Variants in KCNMA1 observed in about 807,000 individuals in gnomAD.
KCNMA1 encodes potassium calcium-activated channel subfamily M alpha 1.
A neutral mutation model predicts 140.0 loss-of-function variants in KCNMA1; 29 were observed. The observed-to-expected ratio is 0.21, with a 90% CI of 0.15 to 0.28. The LOEUF (loss-of-function observed/expected upper bound fraction) is 0.28. Among genes scored for constraint, KCNMA1 ranks in the 10% least tolerant of loss-of-function variants. The pLI is 1.00. For synonymous variants in KCNMA1, 612 were observed against 611.9 expected, an observed-to-expected ratio of 1.00 and a Z score of 0.00; for missense variants, 880 against 1,602.2, an observed-to-expected ratio of 0.55 and a Z score of 7.70.
At chr10:77,606,505 G>A (rs2084581807) in intron 1 of KCNMA1, among the ~76,000 whole-genome samples, 1 of 152,164 alleles carries the variant, frequency 6.6e-6, no homozygotes, top group Non-Finnish European at 1.5e-5. Context: ...AGCTACTTGG[G>A]AGGCTGATGT....
intron 1 of KCNMA1, among the ~76,000 whole-genome samples, chr10:77,608,185 T>C (rs900194075): frequency 4.6e-5 from 7 of 152,058 alleles, no homozygotes; most frequent in African/African-American, 1.2e-4. Context: ...TCATTTCTTT[T>C]TTTTGGAGAC....
chr10:77,095,079 T>C (rs1595841131), intron 9 of KCNMA1, among the ~76,000 whole-genome samples: 1 of 152,214 alleles, frequency 6.6e-6, no homozygotes, highest in African/African-American at 2.4e-5. Context: ...ATAAGAATCT[T>C]AATGATCCAT....
At position 77,112,420 on chromosome 10, in the gene KCNMA1, G is replaced by A. The variant is rs2097346930; in HGVS notation, c.907C>T (p.Leu303=). 2 of 1,613,726 alleles carry A rather than the reference G, an allele frequency of 1.2e-6. No individual in the cohort carries two copies. Among genetic ancestry groups the A allele is most frequent in the Admixed American group, 3.3e-5 (2 of 60,002 alleles). ...CACGTGCTGATAAATATGGAGAGCA[G>A]ATTCACCAGCTTGATGGAATTACTG... The part of the protein sequence containing the change: ...KTSNSIKLVN[L]LSIFISTWLT... Residue 303 remains leucine, a synonymous_variant, in exon 7 of 28, where the codon CTG becomes TTG. Transcript: ENST00000286628.
intron 1 of KCNMA1, among the ~76,000 whole-genome samples, chr10:77,469,633 C>T (rs1200522976): frequency 6.6e-6 from 1 of 152,144 alleles, no homozygotes; most frequent in African/African-American, 2.4e-5. Context: ...ACCCACAAGC[C>T]CAGAAGTGTG....
chr10:77,473,360 G>T (rs144130975), intron 1 of KCNMA1, among the ~76,000 whole-genome samples: 1 of 152,210 alleles, frequency 6.6e-6, no homozygotes, highest in African/African-American at 2.4e-5. Flanking sequence ...TATCTCCTGA[G>T]GGGGGCTGAT....
In KCNMA1 at chr10:76,953,887, C is replaced by A. The variant is rs142210216; in HGVS notation, c.2398G>T (p.Asp800Tyr). 1.8e-4 allele frequency: 287 copies of A among 1,614,034 alleles called. No individual in the cohort carries two copies. Among genetic ancestry groups the A allele is most frequent in the Middle Eastern group, 4.9e-4 (3 of 6,062 alleles). The change falls in exon 21 of 28, where the codon GAC becomes TAC. Residue 800 changes from aspartate (D) to tyrosine (Y), a missense_variant. Asp to Tyr is a radical substitution (Grantham distance 160, BLOSUM62 -3). Coordinates refer to ENST00000286628, the MANE Select transcript of KCNMA1 (RefSeq NM_001161352.2). The part of the protein sequence containing the change: ...PLLIPGNDQI[D>Y]NMDSNVKKYD... ...TTCTTCACATTGGAGTCCATGTTGTCAATCTGATCATTGCCAGGAATTAAC... is the reference window on the plus strand; with the variant it reads ...TTCTTCACATTGGAGTCCATGTTGTAAATCTGATCATTGCCAGGAATTAAC...
At chr10:77,094,861 G>T (rs1207153321) in intron 9 of KCNMA1, among the ~76,000 whole-genome samples, 1 of 151,796 alleles carries the variant, frequency 6.6e-6, no homozygotes, top group African/African-American at 2.4e-5. Flanking sequence ...ACCACAGCTG[G>T]CTAATTTTCT....
intron 14 of KCNMA1, among the ~76,000 whole-genome samples, chr10:77,050,295 C>A (rs1338963178): frequency 1.8e-4 from 26 of 148,228 alleles, no homozygotes; most frequent in Non-Finnish European, 2.5e-4. Context: ...AATAAAAAAA[C>A]AAAAAAACAA....
At chr10:76,979,007 G>A (rs1223095032) in intron 19 of KCNMA1, among the ~76,000 whole-genome samples, 8 of 152,002 alleles carry the variant, frequency 5.3e-5, no homozygotes, top group Non-Finnish European at 1.0e-4. Flanking sequence ...GATTCCTGAG[G>A]TTTTGGGTCT....
chr10:77,092,321 T>G (rs909968664), intron 9 of KCNMA1, among the ~76,000 whole-genome samples: 3 of 152,220 alleles, frequency 2.0e-5, no homozygotes, highest in Admixed American at 2.0e-4. Context: ...ACAAAATACT[T>G]CAAATAAATT....
intron 2 of KCNMA1, among the ~76,000 whole-genome samples, chr10:77,391,969 G>A (rs1002052908): frequency 6.6e-6 from 1 of 151,394 alleles, no homozygotes; most frequent in Non-Finnish European, 1.5e-5. Flanking sequence ...TAAGCCATCA[G>A]CACCCTCTGA....
Position 76,886,743 on chromosome 10 carries a change from G to T in KCNMA1, c.*523C>A. 9.9e-7 allele frequency: 1 copy of T among 1,012,850 alleles called. No homozygotes were observed. Among genetic ancestry groups the T allele is most frequent in the South Asian group, 4.0e-5 (1 of 24,916 alleles). The allele number at this position is 1,012,850 out of a possible 1,614,324, so 62.7% of individuals were successfully genotyped here. On this transcript the variant is annotated 3_prime_UTR_variant, in exon 28 of 28. Coordinates refer to ENST00000286628, the MANE Select transcript of KCNMA1 (RefSeq NM_001161352.2). Reference sequence around the variant, plus strand: ...ATGCTTCGCAATACTTCGGCCCAGAGACTGGAAACAATCAATATGTTTTCA... The same window carrying T: ...ATGCTTCGCAATACTTCGGCCCAGATACTGGAAACAATCAATATGTTTTCA...
At chr10:77,562,506 C>T (rs571750780) in intron 1 of KCNMA1, among the ~76,000 whole-genome samples, 2 of 152,288 alleles carry the variant, frequency 1.3e-5, no homozygotes, top group South Asian at 2.1e-4. Flanking sequence ...GCAAACAAAG[C>T]TGTAACCATA....
intron 1 of KCNMA1, chr10:77,586,995 G>A (rs2077437665): frequency 6.6e-6 from 1 of 152,206 alleles, no homozygotes; most frequent in Admixed American, 6.5e-5. Flanking sequence ...TGTACGTGCT[G>A]TCTTCTCCCT....
intron 14 of KCNMA1, among the ~76,000 whole-genome samples, chr10:77,055,163 A>G (rs2095500042): frequency 6.6e-6 from 1 of 152,168 alleles, no homozygotes; most frequent in East Asian, 1.9e-4. Flanking sequence ...TGTCTTTCCC[A>G]CTGAATGATG....
At chr10:77,634,780 AACAC>A (rs57378692) in intron 1 of KCNMA1, 5,000 of 153,798 alleles carry the variant, frequency 0.033, 84 homozygotes, top group Non-Finnish European at 0.037. Context: ...AAAAAAGACA[AACAC>A]ACACACACAC....
intron 1 of KCNMA1, among the ~76,000 whole-genome samples, chr10:77,513,381 T>C (rs1329275621): frequency 6.6e-6 from 1 of 152,236 alleles, no homozygotes. Context: ...TCCTACAAGT[T>C]AGCAGTAGCT....
At chr10:77,601,738 G>A (rs1265592720) in intron 1 of KCNMA1, among the ~76,000 whole-genome samples, 3 of 152,130 alleles carry the variant, frequency 2.0e-5, no homozygotes, top group Non-Finnish European at 2.9e-5. Flanking sequence ...AAGCACCAAG[G>A]CCACTTTATT....
intron 5 of KCNMA1, among the ~76,000 whole-genome samples, chr10:77,170,939 A>G (rs535639696): frequency 6.6e-6 from 1 of 152,172 alleles, no homozygotes; most frequent in Non-Finnish European, 1.5e-5. Flanking sequence ...GATGTAAATG[A>G]CTCAGATTTT....
Sources: gnomAD v4.1 joint callset for allele counts (sites outside exome capture counted in the v4.1 genomes callset) on GRCh38, gnomAD v4.1.1 for gene constraint, MANE v1.5 for transcripts, NCBI Gene and HGNC (gene_info 2026-07-23, HGNC 2026-07-21) for gene names.